Variants in KNTC1 observed in about 807,000 individuals in gnomAD.
KNTC1 encodes kinetochore-associated protein 1.
Under a neutral mutation model 314.4 loss-of-function variants are expected in KNTC1, and 253 were observed. The ratio of observed to expected loss-of-function variants is 0.80; its 90% CI spans 0.73 to 0.89. The LOEUF is 0.89. KNTC1 is among the 40% of genes least tolerant of loss of function. KNTC1 has a pLI of 0.00. For synonymous variants in KNTC1, 901 were observed against 901.4 expected (o/e 1.00, Z 0.01); for missense variants, 2,475 against 2,572.9 (o/e 0.96, Z 0.82).
intron 57 of KNTC1, 85 bp from the exon 58 acceptor site, chr12:122,618,258 C>A: frequency 8.6e-7 from 1 of 1,164,230 alleles, no homozygotes; most frequent in Non-Finnish European, 1.3e-6. Flanking sequence ...AGGTGTGAGC[C>A]ACCGCGCCTG....
rs762208102 is a variant in KNTC1, at chr12:122,584,281, CTTGT to C, written c.3270_3273del (p.Phe1091SerfsTer14). 1 of 1,603,656 alleles carries C rather than the reference CTTGT, an allele frequency of 6.2e-7. No homozygotes were observed. Among genetic ancestry groups the C allele is most frequent in the South Asian group, 1.1e-5 (1 of 89,588 alleles). On this transcript the variant is annotated frameshift_variant, in exon 35 of 64. Transcript: ENST00000333479. LOFTEE classifies it high-confidence loss of function. Reference sequence around the variant, plus strand: ...CAATACTTTCTTTCTTCCAAAGCGACTTGTTTAAGTATCACTGCAATGCTGACAC... The same window carrying C: ...CAATACTTTCTTTCTTCCAAAGCGACTTAAGTATCACTGCAATGCTGACAC...
intron 63 of KNTC1, among the ~76,000 whole-genome samples, chr12:122,626,002 C>CT (rs968294802): frequency 7.9e-5 from 12 of 151,438 alleles, no homozygotes; most frequent in Admixed American, 1.3e-4. Flanking sequence ...CATAAGATTA[C>CT]TTTTTTTTTC....
chr12:122,613,198 A>T lies in KNTC1; in HGVS notation c.5709A>T (p.Glu1903Asp). The change falls in exon 54 of 64, where the codon GAA (glutamate) becomes GAT (aspartate). Residue 1903 changes from glutamate (E) to aspartate (D), a missense_variant. By Grantham distance (45) the Glu-to-Asp change is conservative. Transcript: ENST00000333479. ...LFYLADKETI[E>D]SLFKKPIEEV... is the part of the protein sequence containing the mutation. ...ATTTGGCTGACAAGGAAACTATAGA[A>T]TCTCTCTTTAAAAAACCCATTGAAG... is the stretch of plus-strand genomic sequence containing the variant. 1 of 1,610,532 alleles carries T rather than the reference A, an allele frequency of 6.2e-7. No homozygotes were observed. The highest frequency in any genetic ancestry group is 1.7e-5 in the Admixed American group (1 of 59,858).
chr12:122,557,595 A>G lies in KNTC1; in HGVS notation c.1399-5A>G. ...GCCTTACTGTGTCTGGCATTTGTGA[A>G]ACAGGATGATGAATTTGTGGTGAAT... On this transcript the variant is annotated splice_polypyrimidine_tract_variant and splice_region_variant and intron_variant, in intron 17 of 63. Transcript: ENST00000333479. 1 of 1,613,108 alleles carries G rather than the reference A, an allele frequency of 6.2e-7. No homozygotes were observed. The highest frequency in any genetic ancestry group is 8.5e-7 in the Non-Finnish European group (1 of 1,179,444).
chr12:122,529,992 T>C lies in KNTC1; in HGVS notation c.-72T>C. 2.0e-6 allele frequency: 3 copies of C among 1,526,990 alleles called. No individual in the cohort carries two copies. The highest frequency in any genetic ancestry group is 2.7e-6 in the Non-Finnish European group (3 of 1,124,522). 94.6% of individuals were successfully genotyped at this position (1,526,990 alleles called of 1,614,324 possible). On this transcript the variant is annotated splice_region_variant and 5_prime_UTR_variant, in exon 2 of 64. Coordinates refer to ENST00000333479, the MANE Select transcript of KNTC1 (RefSeq NM_014708.6). Reference sequence around the variant, plus strand: ...AGGAACCAGGTTCTATGCAACAAGATAATATGGTGTCTAATTTTATGTTGT... The same window carrying C: ...AGGAACCAGGTTCTATGCAACAAGACAATATGGTGTCTAATTTTATGTTGT...
chr12:122,559,018 C>T (rs1357447178), intron 18 of KNTC1, among the ~76,000 whole-genome samples: 1 of 152,130 alleles, frequency 6.6e-6, no homozygotes, highest in Non-Finnish European at 1.5e-5. Context: ...TCATATATGT[C>T]TCCTTCATGT....
intron 16 of KNTC1, among the ~76,000 whole-genome samples, chr12:122,556,869 G>A (rs1481224474): frequency 7.3e-6 from 1 of 137,734 alleles, no homozygotes; most frequent in East Asian, 2.1e-4. Context: ...TTACCATAAT[G>A]TCCTTCAGGT....
chr12:122,535,219 A>G (rs1336061860), intron 3 of KNTC1, among the ~76,000 whole-genome samples: 1 of 152,172 alleles, frequency 6.6e-6, no homozygotes, highest in Non-Finnish European at 1.5e-5. Context: ...GTACATGCAA[A>G]TGTGGATTTG....
rs375288319 is a variant in KNTC1 at position 122,566,326 on chromosome 12, T to C, written c.1605-1935T>C. On this transcript the variant is annotated intron_variant, in intron 20 of 63. Coordinates refer to ENST00000333479, the MANE Select transcript of KNTC1 (RefSeq NM_014708.6). ...GCGGTGGCTCGATCTTGACTCTGGCTCACTGCAGCCTCTGCCTCCCAGGTT... is the reference window on the plus strand; with the variant it reads ...GCGGTGGCTCGATCTTGACTCTGGCCCACTGCAGCCTCTGCCTCCCAGGTT... Among the ~76,000 whole-genome samples, 30 of 151,332 alleles carry C rather than the reference T, an allele frequency of 2.0e-4. No individual in the cohort carries two copies. In the East Asian group the frequency reaches 4.3e-3, roughly 22 times the overall value.
intron 53 of KNTC1, chr12:122,611,502 T>C (rs911891252): frequency 2.0e-5 from 3 of 152,402 alleles, no homozygotes; most frequent in Non-Finnish European, 2.9e-5. Context: ...CCTTATATTC[T>C]CTACATATAA....
intron 7 of KNTC1, among the ~76,000 whole-genome samples, 185 bp downstream of exon 7, chr12:122,543,819 G>C (rs1446929852): frequency 1.3e-5 from 2 of 152,070 alleles, no homozygotes; most frequent in Non-Finnish European, 2.9e-5. Flanking sequence ...GGGAGGCCAA[G>C]GGGGCGGATC....
Position 122,573,210 on chromosome 12 carries a change from C to T in KNTC1, c.2208C>T (p.Ile736=). The change falls in exon 26 of 64, where the codon ATC becomes ATT. Residue 736 remains isoleucine (I), a synonymous_variant. Coordinates refer to ENST00000333479, the MANE Select transcript of KNTC1 (RefSeq NM_014708.6). ...KVLAPELIPS[I]LEKFIRVYMR... is the part of the protein sequence containing the mutation. ...TGGCCCCAGAGCTTATTCCCTCCAT[C>T]TTAGAGAAGTTTATAAGAGTTTACA... 4 of 1,613,826 alleles carry T rather than the reference C, an allele frequency of 2.5e-6. No individual in the cohort carries two copies. Among genetic ancestry groups the T allele is most frequent in the Non-Finnish European group, 3.4e-6 (4 of 1,179,784 alleles).
At chr12:122,582,632 A>C (rs1868587705) in intron 33 of KNTC1, 73 bp from the exon 34 acceptor site, 6 of 1,359,492 alleles carry the variant, frequency 4.4e-6, no homozygotes, top group Admixed American at 2.5e-5. Flanking sequence ...GAAAAAAAAA[A>C]CTAATGAAAA....
chr12:122,581,198 ATTT>A (rs34152519), intron 33 of KNTC1, among the ~76,000 whole-genome samples: 2 of 135,236 alleles, frequency 1.5e-5, no homozygotes, highest in African/African-American at 2.7e-5. Flanking sequence ...TGTGTTATTA[ATTT>A]TTTTTTTTTT....
intron 43 of KNTC1, among the ~76,000 whole-genome samples, chr12:122,596,939 T>G (rs893165317): frequency 5.9e-5 from 9 of 152,186 alleles, no homozygotes; most frequent in African/African-American, 1.9e-4. Context: ...ATTCTTTTCT[T>G]TTACTAATTT....
chr12:122,566,811 G>A (rs11058774), intron 20 of KNTC1, among the ~76,000 whole-genome samples: 5,212 of 142,562 alleles, frequency 0.037, 367 homozygotes, highest in African/African-American at 0.13. Context: ...ACCCAGGCTG[G>A]AGTGCAGTGG....
At chr12:122,605,811 T>C (rs947593642) in intron 51 of KNTC1, among the ~76,000 whole-genome samples, 4 of 152,208 alleles carry the variant, frequency 2.6e-5, no homozygotes, top group African/African-American at 9.6e-5. Flanking sequence ...CTCAAAGTGC[T>C]GGGATTACAG....
intron 44 of KNTC1, among the ~76,000 whole-genome samples, chr12:122,599,243 G>C (rs1313421469): frequency 6.6e-6 from 1 of 151,984 alleles, no homozygotes; most frequent in East Asian, 1.9e-4. Flanking sequence ...TGGAACTACA[G>C]GGACTACACC....
At chr12:122,583,967 A>C (rs550692911) in intron 34 of KNTC1, among the ~76,000 whole-genome samples, 2 of 152,110 alleles carry the variant, frequency 1.3e-5, no homozygotes, top group Non-Finnish European at 2.9e-5. Flanking sequence ...TACAAAAAAA[A>C]TTTAAAAATT....
Sources: gnomAD v4.1 joint callset for allele counts (sites outside exome capture counted in the v4.1 genomes callset) on GRCh38, gnomAD v4.1.1 for gene constraint, MANE v1.5 for transcripts, NCBI Gene and HGNC (gene_info 2026-07-23, HGNC 2026-07-21) for gene names.